Variants in R3HDM2 observed in about 807,000 individuals in gnomAD.
R3HDM2 encodes R3H domain-containing protein 2.
In R3HDM2, 38 loss-of-function variants were observed where a neutral mutation model predicts 124.5. The ratio of observed to expected loss-of-function variants is 0.31; its 90% CI spans 0.24 to 0.40. The LOEUF (loss-of-function observed/expected upper bound fraction) is 0.40. R3HDM2 is among the 10% of genes least tolerant of loss of function. The pLI is 1.00. For synonymous variants in R3HDM2, 391 were observed against 448.0 expected (o/e 0.87, Z 1.61); for missense variants, 869 against 1,236.9 (o/e 0.70, Z 4.46).
intron 5 of R3HDM2, 112 bp from the exon 6 acceptor site, chr12:57,299,590 A>G (rs1413322664): frequency 4.5e-6 from 5 of 1,118,334 alleles, no homozygotes; most frequent in Non-Finnish European, 6.2e-6. Context: ...CTTATAGATT[A>G]GTGTTATTTT....
At chr12:57,313,825 G>A (rs1310259397) in intron 2 of R3HDM2, among the ~76,000 whole-genome samples, 1 of 148,150 alleles carries the variant, frequency 6.7e-6, no homozygotes, top group Non-Finnish European at 1.5e-5. Context: ...AGGCTGCAGT[G>A]GGCTACAACC....
intron 2 of R3HDM2, among the ~76,000 whole-genome samples, chr12:57,322,303 A>C (rs1345516206): frequency 2.0e-5 from 3 of 152,158 alleles, no homozygotes; most frequent in Non-Finnish European, 2.9e-5. Flanking sequence ...CAAAACAAAC[A>C]AACCCAAAAA....
At chr12:57,257,476 G>A (rs939453073) in intron 21 of R3HDM2, among the ~76,000 whole-genome samples, 5 of 152,190 alleles carry the variant, frequency 3.3e-5, no homozygotes, top group African/African-American at 1.2e-4. Context: ...AGCTAAGGCA[G>A]AAAGCAGATA....
intron 1 of R3HDM2, among the ~76,000 whole-genome samples, chr12:57,423,902 G>A (rs1190232776): frequency 6.7e-6 from 1 of 148,990 alleles, no homozygotes; most frequent in African/African-American, 2.5e-5. Context: ...ATCACCTGAG[G>A]TCAGGAGTTC....
chr12:57,368,562 A>G (rs187449190), intron 2 of R3HDM2, among the ~76,000 whole-genome samples: 55 of 152,304 alleles, frequency 3.6e-4, no homozygotes, highest in Non-Finnish European at 7.5e-4. Flanking sequence ...CACTTGGCCA[A>G]TTATATCTAT....
intron 14 of R3HDM2, chr12:57,272,566 C>T: frequency 6.5e-6 from 8 of 1,229,598 alleles, no homozygotes; most frequent in Admixed American, 3.4e-5. Flanking sequence ...TGTGGGCCAG[C>T]AGAGAGGCAT....
chr12:57,406,347 T>C (rs1485810627), intron 1 of R3HDM2, among the ~76,000 whole-genome samples: 2 of 147,970 alleles, frequency 1.4e-5, no homozygotes, highest in Non-Finnish European at 3.0e-5. Context: ...AAAACTGAAA[T>C]TGGCTTAAAC....
At chr12:57,363,385 C>A (rs1037145997) in intron 2 of R3HDM2, among the ~76,000 whole-genome samples, 5 of 152,066 alleles carry the variant, frequency 3.3e-5, no homozygotes, top group African/African-American at 4.8e-5. Context: ...CACTTTATCA[C>A]CCCCAAAAGA....
At chr12:57,350,644 A>C in intron 2 of R3HDM2, among the ~76,000 whole-genome samples, 1 of 152,158 alleles carries the variant, frequency 6.6e-6, no homozygotes, top group Non-Finnish European at 1.5e-5. Context: ...AAAATAACTA[A>C]AACCAAAAAC....
intron 14 of R3HDM2, among the ~76,000 whole-genome samples, chr12:57,273,289 A>G (rs1237694233): frequency 1.3e-5 from 2 of 151,570 alleles, no homozygotes; most frequent in East Asian, 1.9e-4. Flanking sequence ...TTGTCCCTTC[A>G]GTCCCCCTTC....
chr12:57,394,269 C>T (rs953258564), intron 2 of R3HDM2, among the ~76,000 whole-genome samples: 2 of 151,648 alleles, frequency 1.3e-5, no homozygotes, highest in Non-Finnish European at 2.9e-5. Context: ...TGCACTCCAG[C>T]CTGGGTGACA....
At chr12:57,389,914 G>A (rs183474219) in intron 2 of R3HDM2, among the ~76,000 whole-genome samples, 3 of 152,238 alleles carry the variant, frequency 2.0e-5, no homozygotes, top group East Asian at 3.9e-4. Flanking sequence ...CTCTAAGCCT[G>A]TATCTGATTG....
intron 1 of R3HDM2, among the ~76,000 whole-genome samples, chr12:57,405,621 G>A (rs1192587963): frequency 6.6e-6 from 1 of 152,098 alleles, no homozygotes; most frequent in Admixed American, 6.6e-5. Flanking sequence ...GTGACAGAGT[G>A]AGACTGTCTC....
At chr12:57,376,122 G>T (rs376172861) in intron 2 of R3HDM2, among the ~76,000 whole-genome samples, 20 of 152,302 alleles carry the variant, frequency 1.3e-4, no homozygotes, top group African/African-American at 4.3e-4. Flanking sequence ...ACCTATTCTG[G>T]GTCCTTCATT....
intron 2 of R3HDM2, among the ~76,000 whole-genome samples, chr12:57,390,993 C>T (rs2066594007): frequency 7.1e-6 from 1 of 141,828 alleles, no homozygotes; most frequent in Non-Finnish European, 1.5e-5. Context: ...GCCTGGGCAA[C>T]AACAACAAAA....
chr12:57,398,783 C>T (rs1287838816), intron 1 of R3HDM2, among the ~76,000 whole-genome samples: 1 of 152,170 alleles, frequency 6.6e-6, no homozygotes, highest in African/African-American at 2.4e-5. Flanking sequence ...GCCACCGCAC[C>T]CAGCCCTCTC....
rs1444692267 is a variant in R3HDM2, at chr12:57,280,415, A to C, written c.1287T>G (p.Pro429=). Residue 429 remains proline, a synonymous_variant, in exon 14 of 24, where the codon CCT becomes CCG. Transcript: ENST00000402412. ...QQQQQQQQQL[P]ALPPTPQQQP... The stretch of plus-strand genomic sequence containing the variant: ...GTTGCTGAGGCGTGGGTGGGAGAGC[A>C]GGAAGTTGCTGCTGCTGCTGCTGCT... 6.2e-7 allele frequency: 1 copy of C among 1,614,030 alleles called. No homozygotes were observed. The highest frequency in any genetic ancestry group is 8.5e-7 in the Non-Finnish European group (1 of 1,180,006).
At chr12:57,375,544 G>A (rs958249376) in intron 2 of R3HDM2, among the ~76,000 whole-genome samples, 16 of 152,142 alleles carry the variant, frequency 1.1e-4, no homozygotes, top group African/African-American at 3.6e-4. Flanking sequence ...CTTGGAAGAA[G>A]CAGCGTTTTT....
intron 2 of R3HDM2, among the ~76,000 whole-genome samples, chr12:57,391,681 T>C (rs553819408): frequency 4.0e-4 from 61 of 152,362 alleles, no homozygotes; most frequent in African/African-American, 1.5e-3. Flanking sequence ...ATGTTACCAA[T>C]GGAAGACACT....
Sources: allele counts gnomAD v4.1 joint callset (sites outside exome capture counted in the v4.1 genomes callset), GRCh38; gene constraint gnomAD v4.1.1; transcripts MANE v1.5; gene names NCBI Gene and HGNC (gene_info 2026-07-23, HGNC 2026-07-21).